ZNF829: variants seen among roughly 807,000 people sequenced by gnomAD.
ZNF829 encodes zinc finger protein 829.
In ZNF829, 25 loss-of-function variants were observed where a neutral mutation model predicts 35.2. That is an observed-to-expected ratio of 0.71 (90% CI 0.52 to 0.99). ZNF829 has a LOEUF of 0.99. ZNF829 is among the 50% of genes least tolerant of loss of function. The pLI, the probability that ZNF829 is intolerant of heterozygous loss-of-function variation, is 0.00. For missense variants in ZNF829, 417 were observed against 515.3 expected (o/e 0.81, Z 1.85); for synonymous variants, 136 against 163.2 (o/e 0.83, Z 1.27).
chr19:36,891,345 G>C lies in ZNF829; in HGVS notation c.*147C>G, dbSNP rs369553500. The stretch of plus-strand genomic sequence containing the variant: ...ATTTCTCTTGTTTTAAGCCACCAAG[G>C]TTTTGGTACTTGGTACTTTGTTATC... On this transcript the variant is annotated 3_prime_UTR_variant, in exon 6 of 6. Coordinates refer to ENST00000391711, the MANE Select transcript of ZNF829 (RefSeq NM_001037232.4). 12 of 760,056 alleles carry C rather than the reference G, an allele frequency of 1.6e-5. No individual in the cohort carries two copies. In the South Asian group the frequency reaches 1.6e-4, roughly 10 times the overall value. 47.1% of individuals were successfully genotyped at this position (760,056 alleles called of 1,614,324 possible). A position where few individuals can be genotyped will look rare whatever the true frequency, so the allele number is the denominator to read the frequency against.
chr19:36,911,495 A>T (rs1343580545), intron 3 of ZNF829, among the ~76,000 whole-genome samples: 1 of 152,102 alleles, frequency 6.6e-6, no homozygotes, highest in Non-Finnish European at 1.5e-5. Context: ...TATAGGCATG[A>T]CCAGCTGGGA....
chr19:36,898,547 A>G (rs2073133262), intron 5 of ZNF829, among the ~76,000 whole-genome samples: 1 of 152,224 alleles, frequency 6.6e-6, no homozygotes, highest in African/African-American at 2.4e-5. Context: ...AAAAATGCCA[A>G]ATAGCCAATG....
chr19:36,901,518 A>C (rs554899129), intron 5 of ZNF829, among the ~76,000 whole-genome samples: 1 of 152,350 alleles, frequency 6.6e-6, no homozygotes, highest in African/African-American at 2.4e-5. Context: ...ATACCTTAAT[A>C]AAGCTGAAAA....
chr19:36,889,369 A>T lies in ZNF829; in HGVS notation c.*2123T>A, dbSNP rs1300567712. 2.0e-5 allele frequency: 3 copies of T among 152,120 alleles called. No homozygotes were observed. The highest frequency in any genetic ancestry group is 2.9e-5 in the Non-Finnish European group (2 of 68,004). 9.4% of individuals were successfully genotyped at this position (152,120 alleles called of 1,614,324 possible). ...TTGGAATAGTTTCAATAGTGCTGTT[A>T]CTAGTTCTTCCTTGCATGTCTAGTA... On this transcript the variant is annotated 3_prime_UTR_variant, in exon 6 of 6. Transcript: ENST00000391711.
Position 36,902,802 on chromosome 19 carries a change from A to G in ZNF829, c.319+5127T>C, listed in dbSNP as rs1025554227. Among the ~76,000 whole-genome samples, 32 of 152,276 alleles carry G rather than the reference A, an allele frequency of 2.1e-4. No homozygotes were observed. In the East Asian group the frequency reaches 6.2e-3, roughly 29 times the overall value. On this transcript the variant is annotated intron_variant, in intron 5 of 5. Transcript: ENST00000391711. ...TATAATCCCAGCACTTTGGGAGGCC[A>G]AGGCGGGTGGATTACTTGAGGTGAG...
intron 5 of ZNF829, chr19:36,906,668 A>G (rs2073217997): frequency 6.6e-6 from 1 of 152,236 alleles, no homozygotes. Flanking sequence ...ACATTTACCA[A>G]AAGTTATACA....
At chr19:36,914,198 T>C (rs989184490) in intron 3 of ZNF829, among the ~76,000 whole-genome samples, 8 of 152,116 alleles carry the variant, frequency 5.3e-5, no homozygotes, top group Non-Finnish European at 1.2e-4. Flanking sequence ...TTTAAAAAGA[T>C]ACAAAAAGCA....
intron 5 of ZNF829, among the ~76,000 whole-genome samples, chr19:36,897,560 G>C (rs890235574): frequency 6.6e-6 from 1 of 151,996 alleles, no homozygotes; most frequent in Non-Finnish European, 1.5e-5. Flanking sequence ...ACATAATAAA[G>C]ACCATATATG....
intron 3 of ZNF829, among the ~76,000 whole-genome samples, chr19:36,910,168 T>TTGAA (rs1319814377): frequency 6.6e-6 from 1 of 151,586 alleles, no homozygotes; most frequent in Non-Finnish European, 1.5e-5. Flanking sequence ...CACTGCAACC[T>TTGAA]CCACCTCCCG....
rs1568366116 is a variant in ZNF829, at chr19:36,891,427, T to C, written c.*65A>G. ...CTTTGATAATATGTATCCTAATTTG[T>C]TCTCCTTACCTGTTTTAAAAAAATT... On this transcript the variant is annotated 3_prime_UTR_variant, in exon 6 of 6. Transcript: ENST00000391711. The C allele has an allele frequency of 6.9e-7, 1 of 1,451,388 alleles. No homozygotes were observed. The highest frequency in any genetic ancestry group is 9.2e-7 in the Non-Finnish European group (1 of 1,089,070). The allele number at this position is 1,451,388 out of a possible 1,614,324, so 89.9% of individuals were successfully genotyped here. A position where few individuals can be genotyped will look rare whatever the true frequency, so the allele number is the denominator to read the frequency against.
At chr19:36,899,130 A>G (rs2073138738) in intron 5 of ZNF829, among the ~76,000 whole-genome samples, 1 of 152,156 alleles carries the variant, frequency 6.6e-6, no homozygotes, top group South Asian at 2.1e-4. Context: ...AATATCCAGA[A>G]TTAACAAGGA....
chr19:36,892,812 CCCCAGATCCCCCACAGGCGCTGCCTGAGA>C, intron 5 of ZNF829: 1 of 752,754 alleles, frequency 1.3e-6, no homozygotes, highest in Non-Finnish European at 1.8e-6. Flanking sequence ...TTTGCCCCCA[CCCCAGATCCCCCACAGGCGCTGCCTGAGA>C]CCCAGCTCTG....
At chr19:36,899,495 C>CATAT (rs34648213) in intron 5 of ZNF829, among the ~76,000 whole-genome samples, 73 of 150,556 alleles carry the variant, frequency 4.8e-4, no homozygotes, top group Admixed American at 1.9e-3. Context: ...AAAAAAAATA[C>CATAT]ATATATATAT....
chr19:36,907,087 C>CAAAAAA (rs1158970593), intron 5 of ZNF829: 9 of 23,662 alleles, frequency 3.8e-4, no homozygotes, highest in Admixed American at 1.1e-3. Flanking sequence ...GACTCCATCT[C>CAAAAAA]AAAAAAAAAA....
rs1262107842 is a variant in ZNF829 at position 36,906,757 on chromosome 19, G to C, written c.319+1172C>G. On this transcript the variant is annotated intron_variant, in intron 5 of 5. Coordinates refer to ENST00000391711, the MANE Select transcript of ZNF829 (RefSeq NM_001037232.4). ...AACTGTCAACAGAAGGACACTTATA[G>C]TAATTAATAATATATAAAGCATAAT... 4 of 152,210 alleles carry C rather than the reference G, an allele frequency of 2.6e-5. No homozygotes were observed. In the South Asian group the frequency reaches 8.3e-4, roughly 32 times the overall value. The allele number at this position is 152,210 out of a possible 1,614,324, so 9.4% of individuals were successfully genotyped here.
intron 5 of ZNF829, among the ~76,000 whole-genome samples, chr19:36,900,549 A>G (rs568692613): frequency 1.3e-5 from 2 of 151,826 alleles, no homozygotes; most frequent in Admixed American, 6.6e-5. Context: ...AGATTAATAA[A>G]TAAATAAAAA....
chr19:36,900,904 A>T (rs887333844), intron 5 of ZNF829, among the ~76,000 whole-genome samples: 35 of 151,932 alleles, frequency 2.3e-4, no homozygotes, highest in Non-Finnish European at 3.2e-4. Flanking sequence ...GAGAAACTGG[A>T]ACCATCATAC....
intron 5 of ZNF829, among the ~76,000 whole-genome samples, chr19:36,900,980 C>A (rs1352141057): frequency 2.0e-5 from 3 of 152,072 alleles, no homozygotes; most frequent in Admixed American, 2.0e-4. Context: ...CCTCAACTGG[C>A]TAAACACAGA....
chr19:36,892,615 C>G, intron 5 of ZNF829, 144 bp from the exon 6 acceptor site: 1 of 869,698 alleles, frequency 1.1e-6, no homozygotes, highest in South Asian at 1.9e-5. Context: ...GTAAAACTGA[C>G]AAGAAAAGCA....
Sources: allele counts gnomAD v4.1 joint callset (sites outside exome capture counted in the v4.1 genomes callset), GRCh38; gene constraint gnomAD v4.1.1; transcripts MANE v1.5; gene names NCBI Gene and HGNC (gene_info 2026-07-23, HGNC 2026-07-21).